Variants in ERC2 observed in about 807,000 individuals in gnomAD.
The protein encoded by ERC2 is ELKS/RAB6-interacting/CAST family member 2.
Under a neutral mutation model 114.8 loss-of-function variants are expected in ERC2, and 42 were observed. The ratio of observed to expected loss-of-function variants is 0.37; its 90% confidence interval spans 0.29 to 0.47. The LOEUF (loss-of-function observed/expected upper bound fraction) is 0.47. Among genes scored for constraint, ERC2 ranks in the 20% least tolerant of loss-of-function variants. ERC2 has a pLI of 0.99. For missense variants in ERC2, 939 were observed against 1,150.7 expected, an observed-to-expected ratio of 0.82 and a Z score of 2.66; for synonymous variants, 454 against 425.5, an observed-to-expected ratio of 1.07 and a Z score of -0.82.
chr3:55,848,444 C>T (rs1170550664), intron 14 of ERC2, among the ~76,000 whole-genome samples: 5 of 152,168 alleles, frequency 3.3e-5, no homozygotes, highest in South Asian at 2.1e-4. Context: ...TCCTTCACAC[C>T]GCAGAGGCAT....
intron 12 of ERC2, among the ~76,000 whole-genome samples, chr3:55,953,196 C>T (rs1227850068): frequency 4.9e-5 from 5 of 102,394 alleles, no homozygotes; most frequent in Non-Finnish European, 8.0e-5. Context: ...CAGAGTGAAA[C>T]TCCATCTCAA....
rs1201505196 is a variant in ERC2 at position 56,113,663 on chromosome 3, C to G, written c.1473+25846G>C. Among the ~76,000 whole-genome samples the G allele has an allele frequency of 2.0e-5, 3 of 152,178 alleles. No homozygotes were observed. In the East Asian group the frequency reaches 5.8e-4, roughly 29 times the overall value. Reference sequence around the variant, plus strand: ...AAACTGGGTATCCTAAAATTAAACTCAATTCCGACACTATCTACTCAGAAT... The same window carrying G: ...AAACTGGGTATCCTAAAATTAAACTGAATTCCGACACTATCTACTCAGAAT... On this transcript the variant is annotated intron_variant, in intron 6 of 17. Transcript: ENST00000288221.
rs192007536 is a variant in ERC2, at chr3:56,179,355, A to T, written c.1075-5835T>A. The stretch of plus-strand genomic sequence containing the variant: ...TCCACATTTGGAGTTTGTCGTGAGG[A>T]CATTGATTTTACTCTGAGAAAAATG... On this transcript the variant is annotated intron_variant, in intron 3 of 17. Transcript: ENST00000288221. Among the ~76,000 whole-genome samples, 86 of 152,264 alleles carry T rather than the reference A, an allele frequency of 5.6e-4. 1 individual carries two copies. The highest frequency in any genetic ancestry group is 2.0e-3 in the African/African-American group (83 of 41,546).
intron 9 of ERC2, among the ~76,000 whole-genome samples, chr3:56,007,929 A>T (rs2072625354): frequency 1.3e-5 from 2 of 152,108 alleles, no homozygotes; most frequent in South Asian, 4.1e-4. Flanking sequence ...TCCAACTCAG[A>T]CATAGGGTTA....
intron 3 of ERC2, among the ~76,000 whole-genome samples, chr3:56,276,216 T>A (rs1479525955): frequency 6.6e-6 from 1 of 151,732 alleles, no homozygotes. Context: ...CTGCCCAGAG[T>A]TTCTGTAAGG....
chr3:56,011,314 A>T (rs1194762688), intron 8 of ERC2, among the ~76,000 whole-genome samples: 1 of 152,158 alleles, frequency 6.6e-6, no homozygotes. Flanking sequence ...TGCTCTCCTC[A>T]TCAGCCCTCA....
intron 14 of ERC2, among the ~76,000 whole-genome samples, chr3:55,847,093 T>C (rs1224148625): frequency 1.3e-5 from 2 of 152,186 alleles, no homozygotes; most frequent in Admixed American, 1.3e-4. Flanking sequence ...ATATTTTCAA[T>C]GTTTCTAACA....
intron 17 of ERC2, among the ~76,000 whole-genome samples, chr3:55,678,644 C>A (rs2061922108): frequency 6.6e-6 from 1 of 152,150 alleles, no homozygotes; most frequent in Non-Finnish European, 1.5e-5. Context: ...CACATTACTG[C>A]AATAAGAGGC....
intron 9 of ERC2, 103 bp downstream of exon 9, chr3:56,010,346 C>T (rs760349887): frequency 5.1e-6 from 7 of 1,365,126 alleles, no homozygotes; most frequent in Admixed American, 4.5e-5. Flanking sequence ...ATTCCCCAAG[C>T]CTTCATACAG....
At chr3:55,652,009 C>T (rs1272615836) in intron 17 of ERC2, among the ~76,000 whole-genome samples, 3 of 152,218 alleles carry the variant, frequency 2.0e-5, no homozygotes, top group Admixed American at 6.5e-5. Context: ...CAGTTCTTCC[C>T]AATCCCTATC....
chr3:55,529,048 C>A (rs563311227), intron 17 of ERC2, among the ~76,000 whole-genome samples: 15 of 152,154 alleles, frequency 9.9e-5, no homozygotes, highest in Non-Finnish European at 1.9e-4. Context: ...CAGAGCTGAC[C>A]TTTGAAGTTG....
intron 17 of ERC2, among the ~76,000 whole-genome samples, chr3:55,517,150 C>T (rs975724358): frequency 6.6e-6 from 1 of 152,040 alleles, no homozygotes; most frequent in Non-Finnish European, 1.5e-5. Context: ...TAAAAATTAT[C>T]TAAAAACTGG....
At chr3:56,462,330 G>C (rs953373944) in intron 1 of ERC2, among the ~76,000 whole-genome samples, 7 of 152,062 alleles carry the variant, frequency 4.6e-5, no homozygotes, top group Non-Finnish European at 1.0e-4. Context: ...CTATGATTTG[G>C]GTTCACTCAA....
intron 17 of ERC2, among the ~76,000 whole-genome samples, chr3:55,595,480 C>G (rs543265879): frequency 6.6e-6 from 1 of 152,322 alleles, no homozygotes; most frequent in East Asian, 1.9e-4. Flanking sequence ...TGTAAAATCC[C>G]TCTTACAAAT....
chr3:56,139,406 C>G lies in ERC2; in HGVS notation c.1473+103G>C. The G allele has an allele frequency of 6.1e-6, 7 of 1,140,748 alleles. No individual in the cohort carries two copies. In the South Asian group the frequency reaches 1.0e-4, roughly 16 times the overall value. 70.7% of individuals were successfully genotyped at this position (1,140,748 alleles called of 1,614,324 possible). On this transcript the variant is annotated intron_variant, in intron 6 of 17. Coordinates refer to ENST00000288221, the MANE Select transcript of ERC2 (RefSeq NM_015576.3). ...TATGAATTTCAAAATACATCTGGCC[C>G]CAAGGGTTAGGATAAAGGGTCTTTG...
intron 12 of ERC2, among the ~76,000 whole-genome samples, chr3:55,958,916 C>A (rs2068164510): frequency 6.6e-6 from 1 of 152,136 alleles, no homozygotes; most frequent in Admixed American, 6.5e-5. Flanking sequence ...GCAGCTGTGC[C>A]CAGGAGCATG....
At chr3:55,796,500 A>T (rs1284523835) in intron 14 of ERC2, among the ~76,000 whole-genome samples, 1 of 152,108 alleles carries the variant, frequency 6.6e-6, no homozygotes, top group South Asian at 2.1e-4. Flanking sequence ...ATCTTGGCTC[A>T]CTGCAACCTC....
intron 14 of ERC2, among the ~76,000 whole-genome samples, chr3:55,746,521 C>A (rs2885622): frequency 0.48 from 73,577 of 151,978 alleles, 19,190 homozygotes; most frequent in South Asian, 0.69. Context: ...AGATTACAGG[C>A]ATGAGCCACT....
At chr3:56,271,881 G>A (rs2150296701) in intron 3 of ERC2, among the ~76,000 whole-genome samples, 1 of 152,200 alleles carries the variant, frequency 6.6e-6, no homozygotes, top group Non-Finnish European at 1.5e-5. Flanking sequence ...AGTTTGCTTA[G>A]GATGATGGTC....
Sources: gnomAD v4.1 joint callset for allele counts (sites outside exome capture counted in the v4.1 genomes callset) on GRCh38, gnomAD v4.1.1 for gene constraint, MANE v1.5 for transcripts, NCBI Gene and HGNC (gene_info 2026-07-23, HGNC 2026-07-21) for gene names.